The following CNTN5 variants were observed in gnomAD, a reference collection of about 807,000 sequenced individuals.
CNTN5 encodes contactin 5.
A neutral mutation model predicts 129.1 loss-of-function variants in CNTN5; 77 were observed. That is an observed-to-expected ratio of 0.60 (90% CI 0.50 to 0.72). The LOEUF is 0.72. Among genes scored for constraint, CNTN5 ranks in the 30% least tolerant of loss-of-function variants. The pLI, the probability that CNTN5 is intolerant of heterozygous loss-of-function variation, is 0.00. For missense variants in CNTN5, 1,478 were observed against 1,328.8 expected (o/e 1.11, Z -1.75); for synonymous variants, 509 against 465.6 (o/e 1.09, Z -1.20).
At chr11:99,299,067 G>A (rs377638558) in intron 1 of CNTN5, among the ~76,000 whole-genome samples, 2 of 151,988 alleles carry the variant, frequency 1.3e-5, no homozygotes, top group South Asian at 2.1e-4. Context: ...TCTGCTTTTC[G>A]TGTTTCTTTT....
intron 3 of CNTN5, among the ~76,000 whole-genome samples, chr11:99,599,655 G>A (rs1453743609): frequency 6.6e-6 from 1 of 152,056 alleles, no homozygotes; most frequent in Non-Finnish European, 1.5e-5. Flanking sequence ...AGGTTAATAT[G>A]TTCACATCCA....
intron 18 of CNTN5, among the ~76,000 whole-genome samples, chr11:100,282,242 G>T (rs1187509987): frequency 6.6e-6 from 1 of 152,126 alleles, no homozygotes; most frequent in Non-Finnish European, 1.5e-5. Context: ...TCGTGGGCAG[G>T]CTTTTCCAGG....
At chr11:100,324,010 C>T (rs1181522114) in intron 21 of CNTN5, among the ~76,000 whole-genome samples, 1 of 152,006 alleles carries the variant, frequency 6.6e-6, no homozygotes, top group Non-Finnish European at 1.5e-5. Context: ...CAGATCAAAA[C>T]TTTTGTTCTT....
chr11:99,133,826 G>T (rs796766002), intron 1 of CNTN5, among the ~76,000 whole-genome samples: 1 of 152,056 alleles, frequency 6.6e-6, no homozygotes, highest in Non-Finnish European at 1.5e-5. Flanking sequence ...AAAATAGTTC[G>T]ACCATTGTGG....
chr11:100,009,677 A>G (rs1291348775), intron 9 of CNTN5, among the ~76,000 whole-genome samples: 2 of 152,184 alleles, frequency 1.3e-5, no homozygotes, highest in Non-Finnish European at 2.9e-5. Flanking sequence ...CAGGAGAGGC[A>G]GTGGAAGCTC....
chr11:99,717,850 A>G (rs1943031175), intron 3 of CNTN5, among the ~76,000 whole-genome samples: 1 of 152,148 alleles, frequency 6.6e-6, no homozygotes, highest in Non-Finnish European at 1.5e-5. Flanking sequence ...TCAGAATGAT[A>G]CACAATTAAA....
intron 3 of CNTN5, among the ~76,000 whole-genome samples, chr11:99,720,750 A>G (rs551472043): frequency 6.6e-6 from 1 of 152,256 alleles, no homozygotes; most frequent in East Asian, 1.9e-4. Flanking sequence ...AGGAAAACCC[A>G]GTAGTCTTGG....
chr11:100,032,454 C>T (rs1941762280), intron 9 of CNTN5, among the ~76,000 whole-genome samples: 1 of 151,558 alleles, frequency 6.6e-6, no homozygotes, highest in African/African-American at 2.4e-5. Flanking sequence ...GTTCTAGAGA[C>T]AAAAAGTGGT....
At chr11:99,413,629 A>G (rs1487449747) in intron 2 of CNTN5, among the ~76,000 whole-genome samples, 1 of 151,990 alleles carries the variant, frequency 6.6e-6, no homozygotes, top group African/African-American at 2.4e-5. Flanking sequence ...AAAAAACAAA[A>G]CAAAACAAAA....
At chr11:99,557,649 T>C (rs2135541755) in intron 3 of CNTN5, among the ~76,000 whole-genome samples, 1 of 151,784 alleles carries the variant, frequency 6.6e-6, no homozygotes, top group South Asian at 2.1e-4. Context: ...CTTTAGCCTT[T>C]ATACTATTAT....
intron 3 of CNTN5, among the ~76,000 whole-genome samples, chr11:99,694,675 C>G (rs1359488026): frequency 6.6e-6 from 1 of 152,028 alleles, no homozygotes; most frequent in African/African-American, 2.4e-5. Context: ...CCCGAGCCCC[C>G]CACCCCCTGG....
At chr11:99,310,333 A>G (rs1865056039) in intron 1 of CNTN5, among the ~76,000 whole-genome samples, 1 of 152,168 alleles carries the variant, frequency 6.6e-6, no homozygotes, top group Non-Finnish European at 1.5e-5. Context: ...AATGTTATGA[A>G]CTATAAACAA....
intron 13 of CNTN5, among the ~76,000 whole-genome samples, chr11:100,074,812 G>A (rs1265341336): frequency 2.0e-5 from 3 of 152,050 alleles, no homozygotes; most frequent in Non-Finnish European, 1.5e-5. Flanking sequence ...GTGAGCAGAG[G>A]AATATTTAAT....
intron 3 of CNTN5, among the ~76,000 whole-genome samples, chr11:99,635,499 T>C (rs1428223560): frequency 7.1e-6 from 1 of 141,754 alleles, no homozygotes; most frequent in Non-Finnish European, 1.6e-5. Context: ...ATAAAACAAA[T>C]TGAGCCTACT....
At chr11:99,322,108 G>A (rs543950390) in intron 1 of CNTN5, among the ~76,000 whole-genome samples, 3 of 152,154 alleles carry the variant, frequency 2.0e-5, no homozygotes, top group Non-Finnish European at 2.9e-5. Flanking sequence ...ACAGAATACC[G>A]CAGACTGGTT....
chr11:99,657,306 C>T (rs929659873), intron 3 of CNTN5, among the ~76,000 whole-genome samples: 29 of 151,972 alleles, frequency 1.9e-4, no homozygotes, highest in African/African-American at 7.0e-4. Flanking sequence ...TAGAATAGTA[C>T]AACAAATGTA....
chr11:99,889,315 TGTGTGTGTGTGTGTGTGTG>T (rs1948987408), intron 6 of CNTN5, among the ~76,000 whole-genome samples: 5 of 123,152 alleles, frequency 4.1e-5, no homozygotes, highest in Admixed American at 3.5e-4. Context: ...TGTGTGTGTG[TGTGTGTGTGTGTGTGTGTG>T]TGTGTGTGTG....
At chr11:99,620,390 T>C (rs914173654) in intron 3 of CNTN5, among the ~76,000 whole-genome samples, 1 of 151,918 alleles carries the variant, frequency 6.6e-6, no homozygotes, top group Non-Finnish European at 1.5e-5. Context: ...TGCCAGCATA[T>C]AATATTTAAT....
intron 3 of CNTN5, among the ~76,000 whole-genome samples, chr11:99,680,020 T>C (rs1432128566): frequency 6.6e-6 from 1 of 152,170 alleles, no homozygotes; most frequent in African/African-American, 2.4e-5. Context: ...CTTCAATTCT[T>C]TGAATCCTGA....
Sources: allele counts gnomAD v4.1 joint callset (sites outside exome capture counted in the v4.1 genomes callset), GRCh38; gene constraint gnomAD v4.1.1; transcripts MANE v1.5; gene names NCBI Gene and HGNC (gene_info 2026-07-23, HGNC 2026-07-21).